The following HS6ST3 variants were observed in gnomAD, a reference collection of about 807,000 sequenced individuals.
HS6ST3 encodes heparan-sulfate 6-O-sulfotransferase 3.
Under a neutral mutation model 36.7 loss-of-function variants are expected in HS6ST3, and 12 were observed. The ratio of observed to expected loss-of-function variants is 0.33; its 90% CI spans 0.21 to 0.53. The LOEUF (loss-of-function observed/expected upper bound fraction) is 0.53, where lower values mean the gene tolerates loss of function less well. HS6ST3 is among the 20% of genes least tolerant of loss of function. HS6ST3 has a pLI of 0.95. For synonymous variants in HS6ST3, 240 were observed against 257.5 expected, an observed-to-expected ratio of 0.93 and a Z score of 0.65; for missense variants, 584 against 640.9, an observed-to-expected ratio of 0.91 and a Z score of 0.96.
At chr13:96,361,419 A>G (rs574815369) in intron 1 of HS6ST3, among the ~76,000 whole-genome samples, 1 of 152,338 alleles carries the variant, frequency 6.6e-6, no homozygotes, top group East Asian at 1.9e-4. Flanking sequence ...TAAAAGACTA[A>G]TTTAAAAGGC....
At position 96,578,654 on chromosome 13, in the gene HS6ST3, G is replaced by A. The variant is rs576495015; in HGVS notation, c.708-253836G>A. On this transcript the variant is annotated intron_variant, in intron 1 of 1. Coordinates refer to ENST00000376705, the MANE Select transcript of HS6ST3 (RefSeq NM_153456.4). The stretch of plus-strand genomic sequence containing the variant: ...CAGCTCACTTCAACCTCTGCTTTCC[G>A]GGTCAAGCGGTTCTCCCACCTCAGC... Among the ~76,000 whole-genome samples the A allele has an allele frequency of 3.9e-5, 6 of 152,022 alleles. No individual in the cohort carries two copies. In the South Asian group the frequency reaches 8.3e-4, roughly 21 times the overall value.
At chr13:96,163,595 A>G (rs1159978882) in intron 1 of HS6ST3, among the ~76,000 whole-genome samples, 1 of 152,172 alleles carries the variant, frequency 6.6e-6, no homozygotes, top group Non-Finnish European at 1.5e-5. Context: ...TCCAGGTGGT[A>G]TGTTGAACTA....
intron 1 of HS6ST3, among the ~76,000 whole-genome samples, chr13:96,616,612 C>T (rs551314032): frequency 4.6e-5 from 7 of 152,258 alleles, no homozygotes; most frequent in Middle Eastern, 3.4e-3. Flanking sequence ...ACTAAGATTG[C>T]TGCATGAGAA....
At chr13:96,690,269 A>C (rs1874918576) in intron 1 of HS6ST3, among the ~76,000 whole-genome samples, 1 of 152,148 alleles carries the variant, frequency 6.6e-6, no homozygotes, top group Admixed American at 6.6e-5. Context: ...AAGTACAAAA[A>C]TACTAGAACA....
At chr13:96,436,278 C>A (rs906993787) in intron 1 of HS6ST3, among the ~76,000 whole-genome samples, 6 of 152,172 alleles carry the variant, frequency 3.9e-5, no homozygotes, top group Non-Finnish European at 5.9e-5. Context: ...ATTTGTAACT[C>A]CCCAGTCTTG....
At chr13:96,566,129 G>A (rs900124717) in intron 1 of HS6ST3, among the ~76,000 whole-genome samples, 5 of 151,458 alleles carry the variant, frequency 3.3e-5, no homozygotes, top group African/African-American at 1.2e-4. Flanking sequence ...AAGTTTCAAT[G>A]GAATGGGAGA....
intron 1 of HS6ST3, among the ~76,000 whole-genome samples, chr13:96,810,607 T>C (rs187935236): frequency 5.3e-5 from 8 of 152,338 alleles, no homozygotes; most frequent in Admixed American, 5.2e-4. Flanking sequence ...AAAGGTTAAA[T>C]AATTTGTTCA....
intron 1 of HS6ST3, among the ~76,000 whole-genome samples, chr13:96,503,978 C>G (rs531145261): frequency 6.6e-6 from 1 of 152,074 alleles, no homozygotes; most frequent in Admixed American, 6.6e-5. Context: ...GAAGACTAAG[C>G]GAGAAGCAAG....
intron 1 of HS6ST3, among the ~76,000 whole-genome samples, chr13:96,132,753 TC>T (rs1194454520): frequency 6.6e-6 from 1 of 152,164 alleles, no homozygotes; most frequent in Non-Finnish European, 1.5e-5. Context: ...TGTACAGGTG[TC>T]CCTTTTTCTC....
chr13:96,838,178 T>C lies in HS6ST3; in HGVS notation c.*4980T>C, dbSNP rs1878984656. ...AGATCTTTCCAAGGTGGAAAGGTAATGAATTAAATATATGACATGTAATAC... is the reference window on the plus strand; with the variant it reads ...AGATCTTTCCAAGGTGGAAAGGTAACGAATTAAATATATGACATGTAATAC... On this transcript the variant is annotated 3_prime_UTR_variant, in exon 2 of 2. Coordinates refer to ENST00000376705, the MANE Select transcript of HS6ST3 (RefSeq NM_153456.4). The C allele has an allele frequency of 6.6e-6, 1 of 152,208 alleles. No homozygotes were observed. The highest frequency in any genetic ancestry group is 2.4e-5 in the African/African-American group (1 of 41,440). The allele number at this position is 152,208 out of a possible 1,614,324, so 9.4% of individuals were successfully genotyped here.
chr13:96,493,164 G>A (rs1246852581), intron 1 of HS6ST3, among the ~76,000 whole-genome samples: 1 of 152,058 alleles, frequency 6.6e-6, no homozygotes, highest in African/African-American at 2.4e-5. Flanking sequence ...TACACCTAGA[G>A]GTTGGGTAGC....
In HS6ST3 at chr13:96,383,950, A is replaced by T. The variant is rs376008451; in HGVS notation, c.707+292381A>T. 3.9e-5 allele frequency among the ~76,000 whole-genome samples: 6 copies of T among 152,294 alleles called. No homozygotes were observed. The East Asian group carries it at 1.2e-3, about 30-fold the overall frequency. On this transcript the variant is annotated intron_variant, in intron 1 of 1. Transcript: ENST00000376705. Reference sequence around the variant, plus strand: ...GACTTCCATCCTCCAGAGAAGCCTGAGAAGAGACACTAAAGGAAATGGCAG... The same window carrying T: ...GACTTCCATCCTCCAGAGAAGCCTGTGAAGAGACACTAAAGGAAATGGCAG...
chr13:96,718,528 T>C (rs1308480103), intron 1 of HS6ST3, among the ~76,000 whole-genome samples: 1 of 152,186 alleles, frequency 6.6e-6, no homozygotes, highest in East Asian at 1.9e-4. Flanking sequence ...TAACTACCAA[T>C]TTCTAATTTA....
intron 1 of HS6ST3, among the ~76,000 whole-genome samples, chr13:96,633,448 T>C (rs1434531491): frequency 2.6e-5 from 4 of 152,122 alleles, no homozygotes; most frequent in African/African-American, 7.2e-5. Context: ...CTAGAAAAAC[T>C]TTAAAGTGGA....
At chr13:96,827,436 A>G (rs1339909655) in intron 1 of HS6ST3, among the ~76,000 whole-genome samples, 1 of 152,212 alleles carries the variant, frequency 6.6e-6, no homozygotes, top group Non-Finnish European at 1.5e-5. Context: ...CTATTGGTTT[A>G]TTATTACTTC....
intron 1 of HS6ST3, among the ~76,000 whole-genome samples, chr13:96,436,633 TAAG>T (rs2055644030): frequency 6.6e-6 from 1 of 152,146 alleles, no homozygotes; most frequent in Non-Finnish European, 1.5e-5. Flanking sequence ...AGTGTCCTTA[TAAG>T]AAGAAGAAAT....
chr13:96,142,801 C>T (rs1288436198), intron 1 of HS6ST3, among the ~76,000 whole-genome samples: 1 of 151,948 alleles, frequency 6.6e-6, no homozygotes, highest in Admixed American at 6.6e-5. Flanking sequence ...TGCTTATAGC[C>T]TATTTTTCTT....
chr13:96,167,885 G>A (rs897637165), intron 1 of HS6ST3, among the ~76,000 whole-genome samples: 18 of 152,288 alleles, frequency 1.2e-4, no homozygotes, highest in African/African-American at 4.1e-4. Context: ...ATATGTGTGT[G>A]TAAAGTGCTG....
intron 1 of HS6ST3, among the ~76,000 whole-genome samples, chr13:96,765,036 C>T (rs978963827): frequency 4.0e-5 from 6 of 150,832 alleles, no homozygotes; most frequent in African/African-American, 9.7e-5. Flanking sequence ...GTTGCACTTG[C>T]CATATTTCTT....
Sources: gnomAD v4.1 joint callset for allele counts (sites outside exome capture counted in the v4.1 genomes callset) on GRCh38, gnomAD v4.1.1 for gene constraint, MANE v1.5 for transcripts, NCBI Gene and HGNC (gene_info 2026-07-23, HGNC 2026-07-21) for gene names.